ARNT2: variants seen among roughly 807,000 people sequenced by gnomAD.
The protein encoded by ARNT2 is aryl hydrocarbon receptor nuclear translocator 2.
Under a neutral mutation model 91.7 loss-of-function variants are expected in ARNT2, and 36 were observed. The observed-to-expected ratio is 0.39, with a 90% CI of 0.30 to 0.52. ARNT2 has a LOEUF of 0.52. Ranked by LOEUF, ARNT2 falls within the 20% of genes least tolerant of loss-of-function variation. The pLI is 0.72. For missense variants in ARNT2, 775 were observed against 939.3 expected, an observed-to-expected ratio of 0.83 and a Z score of 2.29; for synonymous variants, 365 against 347.1, an observed-to-expected ratio of 1.05 and a Z score of -0.57.
rs185891869 is a variant in ARNT2 at position 80,453,689 on chromosome 15, C to T, written c.146+2695C>T. The stretch of plus-strand genomic sequence containing the variant: ...AGGCCCCTGCTCCTGTGCCATGGCA[C>T]GCATTTCCCACTGCCCTCCCTACTG... On this transcript the variant is annotated intron_variant, in intron 2 of 18. Transcript: ENST00000303329. 9.3e-4 allele frequency among the ~76,000 whole-genome samples: 142 copies of T among 152,306 alleles called. 2 individuals are homozygous for T. Among genetic ancestry groups the T allele is most frequent in the African/African-American group, 3.3e-3 (136 of 41,556 alleles).
chr15:80,455,482 G>C (rs1470295537), intron 2 of ARNT2, among the ~76,000 whole-genome samples: 2 of 152,024 alleles, frequency 1.3e-5, no homozygotes, highest in Non-Finnish European at 2.9e-5. Flanking sequence ...GCTTGATTGA[G>C]CCACAGCTGA....
At chr15:80,544,048 G>A (rs1229823044) in intron 8 of ARNT2, among the ~76,000 whole-genome samples, 4 of 152,096 alleles carry the variant, frequency 2.6e-5, no homozygotes, top group Non-Finnish European at 4.4e-5. Context: ...GCCCCATCTA[G>A]TACATTTTTA....
intron 1 of ARNT2, among the ~76,000 whole-genome samples, chr15:80,427,627 G>A (rs757339692): frequency 2.0e-5 from 3 of 152,130 alleles, no homozygotes; most frequent in Non-Finnish European, 2.9e-5. Context: ...CCAAGAAGTC[G>A]CTGAAGTTGA....
At chr15:80,486,115 C>T (rs917693265) in intron 5 of ARNT2, among the ~76,000 whole-genome samples, 11 of 152,140 alleles carry the variant, frequency 7.2e-5, no homozygotes. Context: ...GTAGACACAT[C>T]GGTCCAATCT....
intron 1 of ARNT2, among the ~76,000 whole-genome samples, chr15:80,409,635 T>C (rs1269019116): frequency 6.6e-6 from 1 of 152,254 alleles, no homozygotes; most frequent in Non-Finnish European, 1.5e-5. Context: ...ACCATCATGC[T>C]GCTTGCTAGC....
chr15:80,536,320 GT>G (rs1486794717), intron 8 of ARNT2, among the ~76,000 whole-genome samples: 1 of 152,200 alleles, frequency 6.6e-6, no homozygotes, highest in Non-Finnish European at 1.5e-5. Flanking sequence ...CTGAAGATTG[GT>G]TGGACCAGGT....
intron 1 of ARNT2, among the ~76,000 whole-genome samples, chr15:80,427,137 G>T (rs1202574133): frequency 6.6e-6 from 1 of 152,154 alleles, no homozygotes; most frequent in Admixed American, 6.5e-5. Context: ...TGATATCGTA[G>T]TGACCCGTGT....
chr15:80,482,749 A>G (rs58423869), intron 5 of ARNT2, among the ~76,000 whole-genome samples: 10,622 of 152,226 alleles, frequency 0.07, 893 homozygotes, highest in African/African-American at 0.19. Context: ...CTCAAAGTGT[A>G]GTCCTTAGGC....
intron 5 of ARNT2, among the ~76,000 whole-genome samples, chr15:80,484,762 T>C (rs1896941650): frequency 6.6e-6 from 1 of 152,346 alleles, no homozygotes; most frequent in Non-Finnish European, 1.5e-5. Context: ...CTGGCCTCCC[T>C]GCACACAGTG....
intron 16 of ARNT2, 123 bp from the exon 17 acceptor site, chr15:80,581,116 G>C: frequency 8.4e-7 from 1 of 1,191,408 alleles, no homozygotes; most frequent in Non-Finnish European, 1.2e-6. Context: ...CAGACAAGAG[G>C]GTCATGGGGA....
Position 80,508,138 on chromosome 15 carries a change from T to G in ARNT2, c.623-18T>G. On this transcript the variant is annotated intron_variant, in intron 5 of 18. Transcript: ENST00000303329. ...CCGAAGGCAGAGGCTTACGTAACTGTCCTTCTCTCTCTCTTAGGCCGGATC... is the reference window on the plus strand; with the variant it reads ...CCGAAGGCAGAGGCTTACGTAACTGGCCTTCTCTCTCTCTTAGGCCGGATC... 1.2e-6 allele frequency: 2 copies of G among 1,613,110 alleles called. No homozygotes were observed. The highest frequency in any genetic ancestry group is 1.7e-6 in the Non-Finnish European group (2 of 1,179,290).
At chr15:80,493,421 GA>G (rs1897083338) in intron 5 of ARNT2, among the ~76,000 whole-genome samples, 1 of 152,188 alleles carries the variant, frequency 6.6e-6, no homozygotes, top group South Asian at 2.1e-4. Context: ...AGCTGCAGCC[GA>G]GGCAGCCCTG....
At chr15:80,530,210 C>G (rs1379520893) in intron 8 of ARNT2, among the ~76,000 whole-genome samples, 1 of 152,150 alleles carries the variant, frequency 6.6e-6, no homozygotes, top group African/African-American at 2.4e-5. Context: ...CTGACACGGG[C>G]AGAAGAGGAA....
intron 2 of ARNT2, among the ~76,000 whole-genome samples, chr15:80,452,547 C>T (rs1407867209): frequency 6.6e-6 from 1 of 152,166 alleles, no homozygotes; most frequent in Non-Finnish European, 1.5e-5. Context: ...TTTTACAATT[C>T]CAGGCCTTTT....
intron 8 of ARNT2, among the ~76,000 whole-genome samples, chr15:80,515,104 G>A (rs900655993): frequency 1.3e-5 from 2 of 152,182 alleles, no homozygotes; most frequent in Non-Finnish European, 2.9e-5. Context: ...TTAAAAGACA[G>A]GTAACAACAA....
intron 3 of ARNT2, among the ~76,000 whole-genome samples, chr15:80,466,410 A>G (rs756315776): frequency 5.3e-5 from 8 of 152,176 alleles, no homozygotes; most frequent in African/African-American, 9.7e-5. Context: ...TGTGTCCCCA[A>G]CTGTCAATTC....
chr15:80,494,615 T>C (rs2141414078), intron 5 of ARNT2, among the ~76,000 whole-genome samples: 1 of 152,250 alleles, frequency 6.6e-6, no homozygotes, highest in East Asian at 1.9e-4. Flanking sequence ...GGGTGATGAT[T>C]TTATAATGAA....
At position 80,576,923 on chromosome 15, in the gene ARNT2, A is replaced by T; in HGVS notation, c.1571A>T (p.Gln524Leu). ...SAAGTQQIYS[Q>L]GSPFPSGHSG... The stretch of plus-strand genomic sequence containing the variant: ...GCAGGAACCCAGCAGATCTACTCCC[A>T]AGGAAGCCCATTTCCCTCTGGACAC... The change falls in exon 15 of 19, where the codon CAA (glutamine) becomes CTA (leucine). Residue 524 changes from glutamine (Q) to leucine (L), a missense_variant. Physicochemically the swap from Gln to Leu is moderately radical, Grantham distance 113. Coordinates refer to ENST00000303329, the MANE Select transcript of ARNT2 (RefSeq NM_014862.4). The T allele has an allele frequency of 6.2e-7, 1 of 1,614,098 alleles. No individual in the cohort carries two copies. Among genetic ancestry groups the T allele is most frequent in the East Asian group, 2.2e-5 (1 of 44,882 alleles).
At chr15:80,459,308 C>G (rs1670136321) in intron 3 of ARNT2, among the ~76,000 whole-genome samples, 1 of 152,094 alleles carries the variant, frequency 6.6e-6, no homozygotes, top group Non-Finnish European at 1.5e-5. Flanking sequence ...TATTGTTTTC[C>G]CTCGGTGCAG....
Sources: gnomAD v4.1 joint callset for allele counts (sites outside exome capture counted in the v4.1 genomes callset) on GRCh38, gnomAD v4.1.1 for gene constraint, MANE v1.5 for transcripts, NCBI Gene and HGNC (gene_info 2026-07-23, HGNC 2026-07-21) for gene names.